The following DNAJC13 variants were observed in gnomAD, a reference collection of about 807,000 sequenced individuals.
The protein encoded by DNAJC13 is DnaJ heat shock protein family (Hsp40) member C13, also known as dnaJ homolog subfamily C member 13.
DNAJC13 carries 75 observed loss-of-function variants against 290.5 expected under a neutral mutation model. That is an observed-to-expected ratio of 0.26 (90% CI 0.21 to 0.31). DNAJC13 has a LOEUF of 0.31. Ranked by LOEUF, DNAJC13 falls within the 10% of genes least tolerant of loss-of-function variation. The probability of loss-of-function intolerance (pLI) is 1.00; values close to 1 mark genes in which losing one functional copy is unlikely to be tolerated. For synonymous variants in DNAJC13, 862 were observed against 892.0 expected, an observed-to-expected ratio of 0.97 and a Z score of 0.60; for missense variants, 2,260 against 2,674.5, an observed-to-expected ratio of 0.85 and a Z score of 3.42.
At chr3:132,431,271 A>G (rs188289389) in intron 1 of DNAJC13, among the ~76,000 whole-genome samples, 2 of 152,206 alleles carry the variant, frequency 1.3e-5, no homozygotes, top group African/African-American at 2.4e-5. Flanking sequence ...CTCTCTGGAT[A>G]TTCCAGTAGA....
At chr3:132,463,843 C>A in intron 17 of DNAJC13, 26 bp downstream of exon 17, 2 of 1,597,164 alleles carry the variant, frequency 1.3e-6, no homozygotes, top group South Asian at 1.1e-5. Flanking sequence ...CAATTTGCTG[C>A]AATTTAACTT....
chr3:132,524,012 T>G (rs1293712455), intron 51 of DNAJC13: 1 of 240,976 alleles, frequency 4.1e-6, no homozygotes, highest in East Asian at 9.1e-5. Context: ...AATGAATATG[T>G]AATTTTAAGG....
intron 55 of DNAJC13, among the ~76,000 whole-genome samples, chr3:132,533,534 C>T (rs1490053338): frequency 6.6e-6 from 1 of 151,868 alleles, no homozygotes; most frequent in Non-Finnish European, 1.5e-5. Context: ...CGGGGTTTTG[C>T]TGTGTTGGCC....
chr3:132,514,426 A>G, intron 45 of DNAJC13, 145 bp from the exon 46 acceptor site: 1 of 576,408 alleles, frequency 1.7e-6, no homozygotes, highest in East Asian at 3.0e-5. Context: ...TAATAAAGGC[A>G]ATCTTTTAAA....
At chr3:132,473,358 T>G (rs1559885439) in intron 21 of DNAJC13, 131 bp downstream of exon 21, 8 of 628,740 alleles carry the variant, frequency 1.3e-5, no homozygotes, top group Non-Finnish European at 1.1e-5. Context: ...GTTCAGGAAC[T>G]ATAACTGTTA....
chr3:132,453,168 T>A, intron 6 of DNAJC13, 130 bp from the exon 7 acceptor site: 1 of 711,674 alleles, frequency 1.4e-6, no homozygotes, highest in Non-Finnish European at 2.3e-6. Flanking sequence ...AACAACTGCT[T>A]ATTTGCCTCT....
chr3:132,451,938 A>G (rs553044204), intron 6 of DNAJC13, among the ~76,000 whole-genome samples: 1 of 152,316 alleles, frequency 6.6e-6, no homozygotes, highest in South Asian at 2.1e-4. Context: ...ATCTAGGAAC[A>G]TACAGGTAAA....
intron 55 of DNAJC13, among the ~76,000 whole-genome samples, chr3:132,537,697 C>T (rs535327386): frequency 5.9e-5 from 9 of 152,262 alleles, no homozygotes; most frequent in Middle Eastern, 3.4e-3. Flanking sequence ...AACCCTTGTT[C>T]GTTTGGTGTT....
intron 28 of DNAJC13, 40 bp downstream of exon 28, chr3:132,483,617 C>A (rs750928949): frequency 6.4e-7 from 1 of 1,570,162 alleles, no homozygotes; most frequent in South Asian, 1.1e-5. Flanking sequence ...AATTGATATG[C>A]TTCCTTAGTA....
At chr3:132,491,321 A>G (rs1935051783) in intron 32 of DNAJC13, among the ~76,000 whole-genome samples, 1 of 152,202 alleles carries the variant, frequency 6.6e-6, no homozygotes, top group African/African-American at 2.4e-5. Context: ...ATCAGTTTAT[A>G]GAACTCGTAA....
intron 36 of DNAJC13, among the ~76,000 whole-genome samples, 187 bp from the exon 37 acceptor site, chr3:132,498,939 A>G (rs1047204303): frequency 6.6e-6 from 1 of 151,954 alleles, no homozygotes; most frequent in Non-Finnish European, 1.5e-5. Context: ...GATGGTCTCA[A>G]TCTCCTGACC....
At position 132,479,244 on chromosome 3, in the gene DNAJC13, A is replaced by G. The variant is rs1256235664; in HGVS notation, c.2727A>G (p.Glu909=). 1 of 1,608,616 alleles carries G rather than the reference A, an allele frequency of 6.2e-7. No individual in the cohort carries two copies. The highest frequency in any genetic ancestry group is 2.2e-5 in the East Asian group (1 of 44,672). Residue 909 remains glutamate (E), a synonymous_variant, in exon 25 of 56, where the codon GAA becomes GAG. Coordinates refer to ENST00000260818, the MANE Select transcript of DNAJC13 (RefSeq NM_015268.4). ...TTCAATAGTGCACAGATAAACTTGAACGAGATAGGTTGATTCTCTTCCTTA... is the reference window on the plus strand; with the variant it reads ...TTCAATAGTGCACAGATAAACTTGAGCGAGATAGGTTGATTCTCTTCCTTA... ...GMLERCTDKL[E]RDRLILFLNK...
chr3:132,482,264 G>C lies in DNAJC13; in HGVS notation c.2913G>C (p.Glu971Asp). 6.2e-7 allele frequency: 1 copy of C among 1,613,860 alleles called. No individual in the cohort carries two copies. The highest frequency in any genetic ancestry group is 8.5e-7 in the Non-Finnish European group (1 of 1,179,826). The change falls in exon 27 of 56, where the codon GAG becomes GAC. Residue 971 changes from glutamate to aspartate, a missense_variant. By Grantham distance (45) the Glu-to-Asp change is conservative. Transcript: ENST00000260818. ...AAGCTGCTCCAGATATGAAAAGAGA[G>C]AGTGAAAAGGAATGGTATTTTGGCA... Reference protein sequence around the residue: ...VIEAAPDMKRESEKEWYFGNA... With the variant: ...VIEAAPDMKRDSEKEWYFGNA...
In DNAJC13 at chr3:132,434,636, G is replaced by A. The variant is rs749179677; in HGVS notation, c.68+18G>A. ...AGGGGGAAGTAAGTATTCTTGTTGG[G>A]TTTTTTTTTCTGTGCTTCTATAAAA... On this transcript the variant is annotated intron_variant, in intron 2 of 55. Coordinates refer to ENST00000260818, the MANE Select transcript of DNAJC13 (RefSeq NM_015268.4). 6.4e-7 allele frequency: 1 copy of A among 1,558,502 alleles called. No individual in the cohort carries two copies. The highest frequency in any genetic ancestry group is 1.9e-5 in the Admixed American group (1 of 52,198).
chr3:132,447,521 A>G, intron 4 of DNAJC13, 51 bp downstream of exon 4: 2 of 1,459,416 alleles, frequency 1.4e-6, no homozygotes, highest in Non-Finnish European at 1.8e-6. Context: ...TCTTTTTAAA[A>G]TGAAGTAGTT....
At chr3:132,438,295 T>C (rs564239062) in intron 2 of DNAJC13, among the ~76,000 whole-genome samples, 1 of 152,334 alleles carries the variant, frequency 6.6e-6, no homozygotes, top group Admixed American at 6.5e-5. Context: ...TATCATTTCA[T>C]TGGGTTATAT....
chr3:132,418,749 C>T (rs889229297), intron 1 of DNAJC13, among the ~76,000 whole-genome samples: 1 of 152,256 alleles, frequency 6.6e-6, no homozygotes, highest in Non-Finnish European at 1.5e-5. Flanking sequence ...AAGTTCAGAA[C>T]CTGCCCCCAG....
Position 132,499,298 on chromosome 3 carries a change from G to A in DNAJC13, c.4329G>A (p.Glu1443=). Residue 1443 remains glutamate (E), a synonymous_variant, in exon 37 of 56, where the codon GAG becomes GAA. Transcript: ENST00000260818. The part of the protein sequence containing the change: ...SALNAEELRR[E]NGLEVLQEAF... ...TCAATGCTGAAGAGCTCAGAAGAGA[G>A]AATGGACTAGAGGTAATACGGAGTG... 1 of 1,607,504 alleles carries A rather than the reference G, an allele frequency of 6.2e-7. No individual in the cohort carries two copies. The highest frequency in any genetic ancestry group is 8.5e-7 in the Non-Finnish European group (1 of 1,175,742).
At chr3:132,433,439 C>T (rs975709596) in intron 1 of DNAJC13, among the ~76,000 whole-genome samples, 1 of 151,732 alleles carries the variant, frequency 6.6e-6, no homozygotes. Flanking sequence ...GCTACCATGC[C>T]CTGTTAACTT....
Sources: allele counts gnomAD v4.1 joint callset (sites outside exome capture counted in the v4.1 genomes callset), GRCh38; gene constraint gnomAD v4.1.1; transcripts MANE v1.5; gene names NCBI Gene and HGNC (gene_info 2026-07-23, HGNC 2026-07-21).